The following KANK1 variants were observed in gnomAD, a reference collection of about 807,000 sequenced individuals.
KANK1 encodes KN motif and ankyrin repeat domain-containing protein 1.
In KANK1, 109 loss-of-function variants were observed where a neutral mutation model predicts 106.2. The ratio of observed to expected loss-of-function variants is 1.03; its 90% CI spans 0.88 to 1.20. KANK1 has a LOEUF of 1.20. KANK1 is among the 50% of genes most tolerant of loss of function. The pLI is 0.00. For synonymous variants in KANK1, 873 were observed against 652.2 expected (o/e 1.34, Z -5.16); for missense variants, 2,399 against 1,710.7 (o/e 1.40, Z -7.10).
At chr9:519,274 G>A (rs1302318041) in intron 1 of KANK1, among the ~76,000 whole-genome samples, 1 of 151,748 alleles carries the variant, frequency 6.6e-6, no homozygotes, top group Non-Finnish European at 1.5e-5. Context: ...ATCAAGATCT[G>A]TCAGCCTTAA....
intron 1 of KANK1, among the ~76,000 whole-genome samples, chr9:505,405 C>T (rs1205686063): frequency 1.3e-5 from 2 of 152,222 alleles, no homozygotes; most frequent in Non-Finnish European, 2.9e-5. Context: ...CCGGCGCGGG[C>T]AGCGTGGGTT....
chr9:488,530 A>G (rs978865134), intron 3 of KANK1, among the ~76,000 whole-genome samples: 1 of 152,188 alleles, frequency 6.6e-6, no homozygotes, highest in Non-Finnish European at 1.5e-5. Context: ...GAGTTGTTTG[A>G]ACTCGAACAC....
At position 523,114 on chromosome 9, in the gene KANK1, T is replaced by A. The variant is rs2059624257; in HGVS notation, c.-84+18360T>A. On this transcript the variant is annotated intron_variant, in intron 1 of 11. Coordinates refer to ENST00000382297, the MANE Select transcript of KANK1 (RefSeq NM_015158.5). ...TCATTATCACATTTAGGTCTCCAGC[T>A]CTGACTTTTTTCTCCAGTTCCACTC... Among the ~76,000 whole-genome samples the A allele has an allele frequency of 2.0e-5, 3 of 151,578 alleles. No individual in the cohort carries two copies. The South Asian group carries it at 6.2e-4, about 31-fold the overall frequency.
At chr9:527,848 CTCT>C (rs2059865954) in intron 1 of KANK1, among the ~76,000 whole-genome samples, 1 of 151,186 alleles carries the variant, frequency 6.6e-6, no homozygotes, top group Non-Finnish European at 1.5e-5. Flanking sequence ...CCCCTCACTT[CTCT>C]TTAAAAGTTT....
At chr9:741,377 T>C (rs1371144217) in intron 9 of KANK1, among the ~76,000 whole-genome samples, 1 of 151,654 alleles carries the variant, frequency 6.6e-6, no homozygotes, top group African/African-American at 2.4e-5. Flanking sequence ...TGGAGTGCAG[T>C]GGCGGGATCT....
At chr9:526,730 A>T (rs1244071401) in intron 1 of KANK1, among the ~76,000 whole-genome samples, 1 of 151,684 alleles carries the variant, frequency 6.6e-6, no homozygotes, top group Non-Finnish European at 1.5e-5. Flanking sequence ...CTATCTTCTG[A>T]TGTTGAACCA....
chr9:732,889 C>T, intron 6 of KANK1: 1 of 297,576 alleles, frequency 3.4e-6, no homozygotes, highest in Non-Finnish European at 6.2e-6. Context: ...TCCACTAAAA[C>T]TTGCATTGTT....
chr9:648,773 T>C (rs1039721200), intron 1 of KANK1, among the ~76,000 whole-genome samples: 2 of 152,186 alleles, frequency 1.3e-5, no homozygotes, highest in Admixed American at 6.5e-5. Context: ...ACAATGCATG[T>C]GAAAACACTG....
intron 1 of KANK1, among the ~76,000 whole-genome samples, chr9:580,419 T>C (rs199547860): frequency 2.0e-5 from 3 of 152,280 alleles, no homozygotes; most frequent in Admixed American, 6.5e-5. Flanking sequence ...GGCTCAGGCA[T>C]CTGCTTTTAT....
intron 1 of KANK1, among the ~76,000 whole-genome samples, chr9:535,658 C>G (rs889026718): frequency 1.3e-5 from 2 of 152,186 alleles, no homozygotes; most frequent in Admixed American, 1.3e-4. Context: ...GTTGTTAGGG[C>G]CTTTGCCCGC....
intron 3 of KANK1, among the ~76,000 whole-genome samples, chr9:720,778 G>A (rs1208464529): frequency 6.6e-6 from 1 of 152,152 alleles, no homozygotes; most frequent in Non-Finnish European, 1.5e-5. Context: ...GATTACAGGT[G>A]TGAGCCACTC....
At chr9:546,251 C>G (rs1221837144) in intron 1 of KANK1, among the ~76,000 whole-genome samples, 1 of 152,008 alleles carries the variant, frequency 6.6e-6, no homozygotes, top group African/African-American at 2.4e-5. Context: ...TGTTGCCTCC[C>G]AGGGAATATT....
chr9:485,786 G>A (rs1383933607), intron 3 of KANK1, among the ~76,000 whole-genome samples: 2 of 151,354 alleles, frequency 1.3e-5, no homozygotes, highest in African/African-American at 4.9e-5. Flanking sequence ...CAGGAGAATC[G>A]CTTGAACCTG....
At chr9:692,390 A>T (rs1014535549) in intron 2 of KANK1, among the ~76,000 whole-genome samples, 3 of 152,220 alleles carry the variant, frequency 2.0e-5, no homozygotes, top group Admixed American at 6.5e-5. Flanking sequence ...AAAAATAACA[A>T]ACTAAAAACA....
At chr9:667,938 T>G (rs1845030829) in intron 1 of KANK1, among the ~76,000 whole-genome samples, 1 of 151,668 alleles carries the variant, frequency 6.6e-6, no homozygotes, top group African/African-American at 2.4e-5. Context: ...GCCATGTTAG[T>G]CAGGCTGGTC....
At chr9:651,506 G>A (rs770756330) in intron 1 of KANK1, among the ~76,000 whole-genome samples, 2 of 152,134 alleles carry the variant, frequency 1.3e-5, no homozygotes, top group Admixed American at 1.3e-4. Context: ...GTATGTGTAA[G>A]TACCATGCAT....
At chr9:699,662 T>C (rs891111744) in intron 2 of KANK1, among the ~76,000 whole-genome samples, 10 of 152,352 alleles carry the variant, frequency 6.6e-5, no homozygotes, top group African/African-American at 1.9e-4. Context: ...ATTGCAGTTA[T>C]GCTACATATG....
At position 690,698 on chromosome 9, in the gene KANK1, T is replaced by C. The variant is rs745331825; in HGVS notation, c.37+13689T>C. On this transcript the variant is annotated intron_variant, in intron 2 of 11. Coordinates refer to ENST00000382297, the MANE Select transcript of KANK1 (RefSeq NM_015158.5). ...ACTACTTAATTTAACTTTGTTCTTA[T>C]CTCTAGACTAATGGAGCAGGCTCTC... is the stretch of plus-strand genomic sequence containing the variant. 1.2e-3 allele frequency among the ~76,000 whole-genome samples: 188 copies of C among 152,328 alleles called. 2 individuals are homozygous for C. Among genetic ancestry groups the C allele is most frequent in the Non-Finnish European group, 4.4e-4 (30 of 68,030 alleles).
chr9:703,166 A>G (rs1204763957), intron 2 of KANK1, among the ~76,000 whole-genome samples: 1 of 151,738 alleles, frequency 6.6e-6, no homozygotes, highest in Non-Finnish European at 1.5e-5. Context: ...TAATTTTTGT[A>G]TTTTCAGTAG....
Sources: allele counts gnomAD v4.1 joint callset (sites outside exome capture counted in the v4.1 genomes callset), GRCh38; gene constraint gnomAD v4.1.1; transcripts MANE v1.5; gene names NCBI Gene and HGNC (gene_info 2026-07-23, HGNC 2026-07-21).